Variants in SCAPER observed in about 807,000 individuals in gnomAD.
SCAPER encodes S phase cyclin A-associated protein in the endoplasmic reticulum.
Under a neutral mutation model 182.2 loss-of-function variants are expected in SCAPER, and 98 were observed. The ratio of observed to expected loss-of-function variants is 0.54; its 90% CI spans 0.46 to 0.64. SCAPER has a LOEUF of 0.64. SCAPER is among the 30% of genes least tolerant of loss of function. The probability of loss-of-function intolerance (pLI) is 0.00; values close to 1 mark genes in which losing one functional copy is unlikely to be tolerated. For missense variants in SCAPER, 1,432 were observed against 1,690.0 expected (o/e 0.85, Z 2.68); for synonymous variants, 605 against 564.6 (o/e 1.07, Z -1.01).
intron 5 of SCAPER, among the ~76,000 whole-genome samples, chr15:76,814,170 A>G (rs1035443813): frequency 3.3e-5 from 5 of 152,222 alleles, no homozygotes; most frequent in African/African-American, 1.2e-4. Flanking sequence ...TCCATCTCAA[A>G]AAAAAAAATT....
At chr15:76,606,928 T>C (rs900601175) in intron 22 of SCAPER, among the ~76,000 whole-genome samples, 1 of 152,212 alleles carries the variant, frequency 6.6e-6, no homozygotes, top group Non-Finnish European at 1.5e-5. Context: ...GTGAGATGGG[T>C]TTCCTGAATA....
At chr15:76,359,086 A>G (rs1051676738) in intron 29 of SCAPER, among the ~76,000 whole-genome samples, 1 of 152,196 alleles carries the variant, frequency 6.6e-6, no homozygotes, top group East Asian at 1.9e-4. Flanking sequence ...GTACAGAACA[A>G]TGTTAGTTAT....
At chr15:76,617,310 A>T (rs976460727) in intron 22 of SCAPER, among the ~76,000 whole-genome samples, 2 of 152,174 alleles carry the variant, frequency 1.3e-5, no homozygotes, top group African/African-American at 2.4e-5. Context: ...TTTAACTGCT[A>T]GAGTAAGGAG....
chr15:76,780,277 A>G (rs565010402), intron 8 of SCAPER, among the ~76,000 whole-genome samples: 2 of 152,378 alleles, frequency 1.3e-5, no homozygotes, highest in African/African-American at 4.8e-5. Context: ...ACTCACTGCT[A>G]GCGCAGCAGT....
chr15:76,781,224 G>A (rs1357936505), intron 8 of SCAPER, among the ~76,000 whole-genome samples: 1 of 152,212 alleles, frequency 6.6e-6, no homozygotes, highest in Non-Finnish European at 1.5e-5. Context: ...ACCGTGGCAA[G>A]AGAACTTCGT....
chr15:76,783,560 G>A (rs1365747970), intron 8 of SCAPER, among the ~76,000 whole-genome samples: 1 of 152,016 alleles, frequency 6.6e-6, no homozygotes, highest in East Asian at 1.9e-4. Context: ...AGATATGAAA[G>A]CCTGACAGAG....
chr15:76,601,200 T>G (rs113135320), intron 22 of SCAPER, among the ~76,000 whole-genome samples: 2,547 of 122,114 alleles, frequency 0.021, 674 homozygotes, highest in Non-Finnish European at 0.03. Flanking sequence ...TTTTTCTCCA[T>G]CTAATGATAC....
At chr15:76,713,194 G>C (rs2059686343) in intron 17 of SCAPER, among the ~76,000 whole-genome samples, 1 of 152,098 alleles carries the variant, frequency 6.6e-6, no homozygotes, top group Non-Finnish European at 1.5e-5. Flanking sequence ...CTGTAAACTA[G>C]TTCAACCATT....
intron 22 of SCAPER, among the ~76,000 whole-genome samples, chr15:76,605,560 C>G (rs2050311237): frequency 6.6e-6 from 1 of 152,180 alleles, no homozygotes; most frequent in Non-Finnish European, 1.5e-5. Context: ...GGAGGATTCC[C>G]TCTTTTTCTA....
At chr15:76,850,875 A>G (rs1329754492) in intron 4 of SCAPER, among the ~76,000 whole-genome samples, 1 of 151,586 alleles carries the variant, frequency 6.6e-6, no homozygotes, top group African/African-American at 2.4e-5. Flanking sequence ...AAAAAAAAAA[A>G]AAGAAAAAAA....
intron 17 of SCAPER, among the ~76,000 whole-genome samples, chr15:76,711,825 T>A (rs1445178801): frequency 6.6e-6 from 1 of 152,200 alleles, no homozygotes; most frequent in Non-Finnish European, 1.5e-5. Context: ...TCATTGTAGA[T>A]TCTGGATATT....
rs1216589050 is a variant in SCAPER, at chr15:76,767,131, T to C, written c.1249-43A>G. 4.0e-6 allele frequency: 6 copies of C among 1,485,632 alleles called. No homozygotes were observed. In the African/African-American group the frequency reaches 7.1e-5, roughly 18 times the overall value. 92.0% of individuals were successfully genotyped at this position (1,485,632 alleles called of 1,614,324 possible). ...CATAAACAAAAAGAAAAATGATCAC[T>C]TGACTGGAAAGTAATCATTTTTTAT... is the stretch of plus-strand genomic sequence containing the variant. On this transcript the variant is annotated intron_variant, in intron 10 of 31. Coordinates refer to ENST00000563290, the MANE Select transcript of SCAPER (RefSeq NM_020843.4).
chr15:76,563,476 C>A (rs543368456), intron 23 of SCAPER, among the ~76,000 whole-genome samples: 9 of 152,218 alleles, frequency 5.9e-5, no homozygotes, highest in Admixed American at 3.3e-4. Flanking sequence ...CAGGAAGACA[C>A]TGAATTCCTG....
chr15:76,399,710 T>G (rs1034163006), intron 27 of SCAPER, among the ~76,000 whole-genome samples: 1 of 152,080 alleles, frequency 6.6e-6, no homozygotes, highest in African/African-American at 2.4e-5. Context: ...TCGGAAAACC[T>G]AGGTAAAAAT....
intron 21 of SCAPER, among the ~76,000 whole-genome samples, chr15:76,644,669 T>C (rs2054393714): frequency 6.6e-6 from 1 of 152,028 alleles, no homozygotes; most frequent in African/African-American, 2.4e-5. Flanking sequence ...TTCCCCACAA[T>C]ACCCAGTATA....
rs576281650 is a variant in SCAPER at position 76,516,728 on chromosome 15, C to A, written c.2839-11754G>T. Among the ~76,000 whole-genome samples, 62 of 152,070 alleles carry A rather than the reference C, an allele frequency of 4.1e-4. 1 individual carries two copies. In the South Asian group the frequency reaches 0.012, roughly 30 times the overall value. ...GATTTATAATCCTTTGGGTATATACCCAGTAATGGGATTGCTGGTGACCCA... is the reference window on the plus strand; with the variant it reads ...GATTTATAATCCTTTGGGTATATACACAGTAATGGGATTGCTGGTGACCCA... On this transcript the variant is annotated intron_variant, in intron 23 of 31. Transcript: ENST00000563290.
intron 21 of SCAPER, among the ~76,000 whole-genome samples, chr15:76,661,818 A>G (rs1037772343): frequency 3.9e-5 from 6 of 152,228 alleles, no homozygotes; most frequent in African/African-American, 1.4e-4. Context: ...TGATCTAGCA[A>G]TCCCATTACT....
chr15:76,742,476 A>G (rs1318381788), intron 15 of SCAPER, among the ~76,000 whole-genome samples: 1 of 143,678 alleles, frequency 7.0e-6, no homozygotes, highest in Non-Finnish European at 1.5e-5. Context: ...TAAAAAAAAA[A>G]AAAAAAAAAA....
intron 2 of SCAPER, among the ~76,000 whole-genome samples, chr15:76,863,113 G>A (rs565247646): frequency 1.3e-5 from 2 of 152,186 alleles, no homozygotes; most frequent in East Asian, 3.9e-4. Context: ...CTCTAGCCCT[G>A]CCTGGCCTAA....
Sources: allele counts gnomAD v4.1 joint callset (sites outside exome capture counted in the v4.1 genomes callset), GRCh38; gene constraint gnomAD v4.1.1; transcripts MANE v1.5; gene names NCBI Gene and HGNC (gene_info 2026-07-23, HGNC 2026-07-21).